NLRP1: variants seen among roughly 807,000 people sequenced by gnomAD.
NLRP1 encodes NACHT, LRR and PYD domains-containing protein 1.
NLRP1 carries 94 observed loss-of-function variants against 136.7 expected under a neutral mutation model. The ratio of observed to expected loss-of-function variants is 0.69; its 90% CI spans 0.58 to 0.82. The LOEUF (loss-of-function observed/expected upper bound fraction) is 0.82. Ranked by LOEUF, NLRP1 falls within the 40% of genes least tolerant of loss-of-function variation. The pLI, the probability that NLRP1 is intolerant of heterozygous loss-of-function variation, is 0.00. For synonymous variants in NLRP1, 690 were observed against 725.1 expected (o/e 0.95, Z 0.78); for missense variants, 1,575 against 1,802.7 (o/e 0.87, Z 2.29).
intron 10 of NLRP1, 21 bp from the exon 11 acceptor site, chr17:5,533,005 T>G (rs1567641132): frequency 6.2e-7 from 1 of 1,604,288 alleles, no homozygotes; most frequent in Non-Finnish European, 8.5e-7. Context: ...AAGGCAGCGG[T>G]CAGCTCCAGA....
rs140677797 is a variant in NLRP1 at position 5,558,406 on chromosome 17, C to G, written c.2290G>C (p.Val764Leu). The G allele has an allele frequency of 2.2e-5, 35 of 1,613,964 alleles. 2 individuals carry two copies. Among genetic ancestry groups the G allele is most frequent in the Middle Eastern group, 3.3e-4 (2 of 6,080 alleles). The change falls in exon 4 of 17, where the codon GTG (valine) becomes CTG (leucine). Residue 764 changes from valine (V) to leucine (L), a missense_variant. Val to Leu is a conservative substitution (Grantham distance 32). Transcript: ENST00000572272. ...CTFCIKFSRH[V>L]KKLQLIEGRQ... ...CCCTCAATCAGCTGAAGCTTCTTCA[C>G]GTGGCGGCTGAATTTAATGCAGAAA...
chr17:5,521,719 C>A lies in NLRP1; in HGVS notation c.3588G>T (p.Lys1196Asn), dbSNP rs758345242. The A allele has an allele frequency of 6.2e-7, 1 of 1,613,232 alleles. No individual in the cohort carries two copies. The change falls in exon 13 of 17, where the codon AAG becomes AAT. Residue 1196 changes from lysine (K) to asparagine (N), a missense_variant. Physicochemically the swap from Lys to Asn is moderately conservative, Grantham distance 94. Coordinates refer to ENST00000572272, the MANE Select transcript of NLRP1 (RefSeq NM_033004.4). ...TGTGATGCAGCTCCACCCTGGCTGGCTTCTCCAGGAGCATCCCCTCCTCTT... is the reference window on the plus strand; with the variant it reads ...TGTGATGCAGCTCCACCCTGGCTGGATTCTCCAGGAGCATCCCCTCCTCTT... ...HFKEEGMLLE[K>N]PARVELHHIV... is the part of the protein sequence containing the mutation.
rs750816395 is a variant in NLRP1, at chr17:5,559,532, C to T, written c.1164G>A (p.Gly388=). ...VSLAELIGKD[G]TATPAPIRQI... is the part of the protein sequence containing the mutation. ...GTCTAATGGGAGCCGGAGTGGCTGT[C>T]CCATCTTTTCCGATGAGCTCAGCGA... Residue 388 remains glycine (G), a synonymous_variant, in exon 4 of 17, where the codon GGG becomes GGA. Transcript: ENST00000572272. 3.1e-6 allele frequency: 5 copies of T among 1,613,984 alleles called. No homozygotes were observed. In the South Asian group the frequency reaches 5.5e-5, roughly 18 times the overall value.
intron 4 of NLRP1, among the ~76,000 whole-genome samples, chr17:5,555,487 G>A (rs995029100): frequency 1.3e-5 from 2 of 151,902 alleles, no homozygotes; most frequent in South Asian, 2.1e-4. Flanking sequence ...ACTTGCTCCC[G>A]CCCATCCCAA....
chr17:5,521,934 C>T (rs57636751), intron 12 of NLRP1, 148 bp from the exon 13 acceptor site: 34,195 of 731,418 alleles, frequency 0.047, 2,680 homozygotes, highest in East Asian at 0.22. Flanking sequence ...AAGCGATTCT[C>T]CTGCCTCAGC....
chr17:5,519,446 T>C (rs1235587829), intron 14 of NLRP1, among the ~76,000 whole-genome samples: 2 of 127,142 alleles, frequency 1.6e-5, no homozygotes, highest in African/African-American at 3.4e-5. Context: ...ACACCTGGCC[T>C]TTTTTTTTTT....
At chr17:5,573,270 G>T (rs1904627918) in intron 3 of NLRP1, among the ~76,000 whole-genome samples, 1 of 152,200 alleles carries the variant, frequency 6.6e-6, no homozygotes, top group Non-Finnish European at 1.5e-5. Context: ...GGCGGGGGGA[G>T]GGGTGCCCAC....
At chr17:5,533,431 G>A in intron 9 of NLRP1, 47 bp from the exon 10 acceptor site, 1 of 752,274 alleles carries the variant, frequency 1.3e-6, no homozygotes, top group Middle Eastern at 2.3e-4. Context: ...GTGAGCATCT[G>A]CAGTCCCAGT....
At chr17:5,553,048 C>T (rs1052166890) in intron 5 of NLRP1, among the ~76,000 whole-genome samples, 2 of 152,252 alleles carry the variant, frequency 1.3e-5, no homozygotes, top group Non-Finnish European at 2.9e-5. Flanking sequence ...CCTCCAGCCA[C>T]ACTGGCCTGC....
intron 9 of NLRP1, 21 bp from the exon 10 acceptor site, chr17:5,533,405 T>C (rs1400630115): frequency 1.1e-6 from 1 of 870,602 alleles, no homozygotes; most frequent in Admixed American, 2.0e-5. Context: ...AAGAAAAATA[T>C]CAGCCAGGCA....
chr17:5,515,866 T>C (rs1362208150), intron 15 of NLRP1, among the ~76,000 whole-genome samples: 2 of 151,854 alleles, frequency 1.3e-5, no homozygotes, highest in East Asian at 1.9e-4. Flanking sequence ...CCTTGCTAGA[T>C]AGCTTGAACT....
chr17:5,542,726 C>T (rs991353431), intron 5 of NLRP1, among the ~76,000 whole-genome samples: 1 of 137,120 alleles, frequency 7.3e-6, no homozygotes, highest in Non-Finnish European at 1.6e-5. Context: ...CTCCCTCCCT[C>T]CCTCCCTCTC....
At chr17:5,565,277 T>C (rs1243729676) in intron 3 of NLRP1, among the ~76,000 whole-genome samples, 1 of 152,248 alleles carries the variant, frequency 6.6e-6, no homozygotes. Flanking sequence ...GCCATTTGTA[T>C]ATCTTCTTCT....
chr17:5,523,670 T>C (rs1002967227), intron 12 of NLRP1, among the ~76,000 whole-genome samples: 1 of 152,136 alleles, frequency 6.6e-6, no homozygotes, highest in African/African-American at 2.4e-5. Context: ...GGCCTAGGGA[T>C]CAGAGGTCCC....
In NLRP1 at chr17:5,537,002, G is replaced by A; in HGVS notation, c.2871-62C>T. 8.2e-7 allele frequency: 1 copy of A among 1,220,332 alleles called. No homozygotes were observed. The allele number at this position is 1,220,332 out of a possible 1,614,324, so 75.6% of individuals were successfully genotyped here. On this transcript the variant is annotated intron_variant, in intron 7 of 16. Coordinates refer to ENST00000572272, the MANE Select transcript of NLRP1 (RefSeq NM_033004.4). This position sits in a 1 kb window ranked among gnomAD's most constrained non-coding sequence, Gnocchi z 4.5. ...CCCCATGTGGTCCCCAGGTCCCCAGGGCCCAGAATCCTGGGACCTGTCACC... is the reference window on the plus strand; with the variant it reads ...CCCCATGTGGTCCCCAGGTCCCCAGAGCCCAGAATCCTGGGACCTGTCACC...
intron 10 of NLRP1, 91 bp downstream of exon 10, chr17:5,533,213 G>A (rs1910546461): frequency 6.5e-7 from 1 of 1,538,632 alleles, no homozygotes; most frequent in Admixed American, 2.0e-5. Context: ...CACTGGAATA[G>A]AAGTGCCACT....
chr17:5,529,869 TCTTA>T lies in NLRP1; in HGVS notation c.3520+608_3520+611del, dbSNP rs1398458387. On this transcript the variant is annotated intron_variant, in intron 12 of 16. Coordinates refer to ENST00000572272, the MANE Select transcript of NLRP1 (RefSeq NM_033004.4). ...TCTGGTATCTGTCGTTTCTGCTGGC[TCTTA>T]CTTCTGGTGCCTTGTTTCCCCTTTG... 5 of 409,124 alleles carry T rather than the reference TCTTA, an allele frequency of 1.2e-5. No homozygotes were observed. The East Asian group carries it at 3.6e-4, about 30-fold the overall frequency. 25.3% of individuals were successfully genotyped at this position (409,124 alleles called of 1,614,324 possible). A position where few individuals can be genotyped will look rare whatever the true frequency, so the allele number is the denominator to read the frequency against.
In NLRP1 at chr17:5,508,855, T is replaced by A. The variant is rs1224939487; in HGVS notation, c.4070-6983A>T. On this transcript the variant is annotated intron_variant, in intron 15 of 15. Transcript: ENST00000262467. Reference sequence around the variant, plus strand: ...AGGAAAGACAGAATTTTTGTATTGTTTGGATAATGAGATCATGGGGTGACT... The same window carrying A: ...AGGAAAGACAGAATTTTTGTATTGTATGGATAATGAGATCATGGGGTGACT... 3.3e-5 allele frequency among the ~76,000 whole-genome samples: 5 copies of A among 152,186 alleles called. No homozygotes were observed. In the East Asian group the frequency reaches 7.7e-4, roughly 23 times the overall value.
chr17:5,554,866 A>T (rs1374647821), intron 4 of NLRP1, among the ~76,000 whole-genome samples: 1 of 152,008 alleles, frequency 6.6e-6, no homozygotes, highest in Non-Finnish European at 1.5e-5. Context: ...TACAAAAAAT[A>T]AAAAAAATTA....
Sources: allele counts gnomAD v4.1 joint callset (sites outside exome capture counted in the v4.1 genomes callset), GRCh38; gene constraint gnomAD v4.1.1; non-coding constraint Gnocchi (gnomAD v3.1); transcripts MANE v1.5; gene names NCBI Gene and HGNC (gene_info 2026-07-23, HGNC 2026-07-21).